The following SOD2 variants were observed in gnomAD, a reference collection of about 807,000 sequenced individuals.
The protein encoded by SOD2 is superoxide dismutase 2.
Under a neutral mutation model 27.0 loss-of-function variants are expected in SOD2, and 11 were observed. The ratio of observed to expected loss-of-function variants is 0.41; its 90% CI spans 0.26 to 0.67. The LOEUF (loss-of-function observed/expected upper bound fraction) is 0.67, where lower values mean the gene tolerates loss of function less well. SOD2 is among the 30% of genes least tolerant of loss of function. The pLI, the probability that SOD2 is intolerant of heterozygous loss-of-function variation, is 0.34. For missense variants in SOD2, 250 were observed against 274.5 expected, an observed-to-expected ratio of 0.91 and a Z score of 0.63; for synonymous variants, 105 against 103.0, an observed-to-expected ratio of 1.02 and a Z score of -0.12.
At chr6:159,692,462 G>A (rs1021593347) in intron 2 of SOD2, 199 bp downstream of exon 2, 1 of 1,440,298 alleles carries the variant, frequency 6.9e-7, no homozygotes, top group African/African-American at 1.4e-5. Flanking sequence ...ACAGAAGTGT[G>A]TTCAAACCCA....
At chr6:159,758,792 T>A (rs1045839495) in intron 1 of SOD2, among the ~76,000 whole-genome samples, 2 of 152,196 alleles carry the variant, frequency 1.3e-5, no homozygotes, top group African/African-American at 2.4e-5. Context: ...AGGAATTTGC[T>A]GCATGGTAGG....
At chr6:159,711,774 A>ACAACCACCAC in intron 1 of SOD2, among the ~76,000 whole-genome samples, 1 of 106,126 alleles carries the variant, frequency 9.4e-6, no homozygotes, top group Non-Finnish European at 2.0e-5. Flanking sequence ...AACCACCTCC[A>ACAACCACCAC]TAACCACCAC....
chr6:159,713,098 G>T, intron 1 of SOD2: 1 of 748,564 alleles, frequency 1.3e-6, no homozygotes, highest in South Asian at 2.3e-5. Context: ...CATTCTTAGT[G>T]GCTCTGTAAG....
chr6:159,745,993 A>C (rs1484945097), upstream of SOD2, among the ~76,000 whole-genome samples: 1 of 152,220 alleles, frequency 6.6e-6, no homozygotes, highest in Non-Finnish European at 1.5e-5. Context: ...ACTAGGATAG[A>C]TCCTACAAAG....
At chr6:159,714,937 A>C (rs1331415194) in intron 1 of SOD2, among the ~76,000 whole-genome samples, 1 of 152,080 alleles carries the variant, frequency 6.6e-6, no homozygotes, top group African/African-American at 2.4e-5. Flanking sequence ...ATATGAGGCA[A>C]AAATGAAACA....
At chr6:159,702,851 A>AG (rs1554260590) in intron 1 of SOD2, among the ~76,000 whole-genome samples, 9 of 13,702 alleles carry the variant, frequency 6.6e-4, no homozygotes, top group African/African-American at 1.6e-3. Flanking sequence ...CCCTATCTCG[A>AG]AAAAAAAAAA....
intron 1 of SOD2, chr6:159,755,773 T>C (rs1356787583): frequency 2.6e-5 from 26 of 1,005,830 alleles, no homozygotes; most frequent in South Asian, 7.9e-5. Context: ...TTCTTTTTTT[T>C]TTTTTTTTTT....
chr6:159,755,083 C>T (rs1266871305), intron 1 of SOD2: 1 of 1,614,022 alleles, frequency 6.2e-7, no homozygotes, highest in African/African-American at 1.3e-5. Context: ...TGCAGAGTAC[C>T]ATTCTAGTTC....
chr6:159,683,414 G>A (rs534921486), intron 4 of SOD2, among the ~76,000 whole-genome samples: 2 of 152,292 alleles, frequency 1.3e-5, no homozygotes, highest in South Asian at 4.1e-4. Flanking sequence ...GAACCTGGGA[G>A]GCGGAAGTTG....
intron 3 of SOD2, 93 bp from the exon 4 acceptor site, chr6:159,685,126 C>A: frequency 1.2e-6 from 1 of 809,386 alleles, no homozygotes. Flanking sequence ...ATATTTTTGT[C>A]ATAGGGCCCA....
upstream of SOD2, among the ~76,000 whole-genome samples, chr6:159,745,715 A>T (rs1779535755): frequency 6.6e-6 from 1 of 152,202 alleles, no homozygotes; most frequent in Non-Finnish European, 1.5e-5. Context: ...ATTTAGATTT[A>T]CATTTTAGGT....
chr6:159,721,557 G>A (rs1242542256), intron 1 of SOD2, among the ~76,000 whole-genome samples: 4 of 151,508 alleles, frequency 2.6e-5, no homozygotes, highest in African/African-American at 7.3e-5. Context: ...TAGTAGAGAC[G>A]GGGTTTCTCC....
chr6:159,724,312 G>C (rs1330757490), intron 1 of SOD2, among the ~76,000 whole-genome samples: 1 of 152,072 alleles, frequency 6.6e-6, no homozygotes, highest in Non-Finnish European at 1.5e-5. Flanking sequence ...TTGATCTTGT[G>C]TTTGTATCTC....
chr6:159,744,425 C>G (rs1173133588), intron 1 of SOD2, among the ~76,000 whole-genome samples: 2 of 152,138 alleles, frequency 1.3e-5, no homozygotes, highest in East Asian at 3.9e-4. Context: ...TTTGTGTACT[C>G]TCCCTTCATT....
chr6:159,723,653 G>A (rs965737942), intron 1 of SOD2, among the ~76,000 whole-genome samples: 2 of 152,180 alleles, frequency 1.3e-5, no homozygotes, highest in Admixed American at 6.5e-5. Flanking sequence ...GTTTTAATCT[G>A]AAAGTCCAGC....
At chr6:159,750,960 T>A (rs1486326845) in intron 1 of SOD2, among the ~76,000 whole-genome samples, 3 of 152,242 alleles carry the variant, frequency 2.0e-5, no homozygotes, top group Non-Finnish European at 4.4e-5. Context: ...GAAGAAAGAT[T>A]CCCAGAAATA....
At chr6:159,719,625 CAAAA>C (rs1159589385) in intron 1 of SOD2, among the ~76,000 whole-genome samples, 4 of 63,706 alleles carry the variant, frequency 6.3e-5, no homozygotes, top group African/African-American at 1.2e-4. Context: ...CACCCTTTCT[CAAAA>C]AAAAAAAAAA....
chr6:159,748,515 G>T, upstream of SOD2: 5 of 1,435,146 alleles, frequency 3.5e-6, no homozygotes, highest in South Asian at 1.6e-5. This position sits in a 1 kb window ranked among gnomAD's most constrained non-coding sequence, Gnocchi z 5.6. Context: ...TGTCCAGCTT[G>T]TAATGGTTAA....
chr6:159,734,173 G>A (rs1778761372), intron 1 of SOD2, among the ~76,000 whole-genome samples: 1 of 151,978 alleles, frequency 6.6e-6, no homozygotes, highest in African/African-American at 2.4e-5. Context: ...TGGTGTGTGT[G>A]TGTTTTGTTT....
Sources: allele counts gnomAD v4.1 joint callset (sites outside exome capture counted in the v4.1 genomes callset), GRCh38; gene constraint gnomAD v4.1.1; non-coding constraint Gnocchi (gnomAD v3.1); transcripts MANE v1.5; gene names NCBI Gene and HGNC (gene_info 2026-07-23, HGNC 2026-07-21).